Variants in MAST2 observed in about 807,000 individuals in gnomAD.
MAST2 encodes microtubule-associated serine/threonine-protein kinase 2.
A neutral mutation model predicts 147.4 loss-of-function variants in MAST2; 70 were observed. The ratio of observed to expected loss-of-function variants is 0.47; its 90% CI spans 0.39 to 0.58. The LOEUF (loss-of-function observed/expected upper bound fraction) is 0.58, where lower values mean the gene tolerates loss of function less well. Ranked by LOEUF, MAST2 falls within the 20% of genes least tolerant of loss-of-function variation. The probability of loss-of-function intolerance (pLI) is 0.00; values close to 1 mark genes in which losing one functional copy is unlikely to be tolerated. For missense variants in MAST2, 2,080 were observed against 2,302.3 expected (o/e 0.90, Z 1.98); for synonymous variants, 869 against 896.8 (o/e 0.97, Z 0.55).
chr1:45,963,265 A>G (rs1453053838), intron 5 of MAST2, among the ~76,000 whole-genome samples: 1 of 152,148 alleles, frequency 6.6e-6, no homozygotes, highest in Non-Finnish European at 1.5e-5. Flanking sequence ...TTGGTTCCAT[A>G]TGAACTTTAA....
chr1:45,996,858 T>C (rs762322903), intron 5 of MAST2, among the ~76,000 whole-genome samples: 2 of 152,186 alleles, frequency 1.3e-5, no homozygotes, highest in African/African-American at 2.4e-5. Context: ...AGCCAGCGCA[T>C]GTTGAAGTAC....
rs542948544 is a variant in MAST2 at position 46,031,599 on chromosome 1, G to T, written c.3187+14G>T. ...TCATTCCTTCGGGTGAGGCCCCTGG[G>T]GAGCTGGGATAAAACTCACAGGAAG... On this transcript the variant is annotated intron_variant, in intron 24 of 28. Coordinates refer to ENST00000361297, the MANE Select transcript of MAST2 (RefSeq NM_015112.3). This position sits in a 1 kb window ranked among gnomAD's most constrained non-coding sequence, Gnocchi z 4.1. The T allele has an allele frequency of 6.2e-7, 1 of 1,604,172 alleles. No individual in the cohort carries two copies. Among genetic ancestry groups the T allele is most frequent in the Non-Finnish European group, 8.5e-7 (1 of 1,172,554 alleles).
chr1:45,898,527 T>C (rs1285331209), intron 4 of MAST2, among the ~76,000 whole-genome samples: 1 of 152,092 alleles, frequency 6.6e-6, no homozygotes, highest in Non-Finnish European at 1.5e-5. Context: ...GTTGTTGTTG[T>C]TTTTGTTTTT....
chr1:45,847,740 G>T, intron 3 of MAST2: 1 of 247,564 alleles, frequency 4.0e-6, no homozygotes. Flanking sequence ...TTTTTTTTAA[G>T]ATGAGATTTT....
chr1:45,964,827 A>G (rs1557974256), intron 5 of MAST2, among the ~76,000 whole-genome samples: 2 of 151,992 alleles, frequency 1.3e-5, no homozygotes, highest in East Asian at 1.9e-4. Flanking sequence ...TCAACTTTAG[A>G]TCTTTCCTGC....
intron 5 of MAST2, among the ~76,000 whole-genome samples, chr1:45,966,637 G>A (rs1364382180): frequency 1.3e-5 from 2 of 152,082 alleles, no homozygotes; most frequent in African/African-American, 2.4e-5. Flanking sequence ...CAGGAGAATC[G>A]CTTGAACCAG....
intron 4 of MAST2, among the ~76,000 whole-genome samples, chr1:45,946,997 C>T (rs928574667): frequency 3.9e-5 from 6 of 152,088 alleles, no homozygotes; most frequent in African/African-American, 1.4e-4. Flanking sequence ...ACTTTTAGAT[C>T]ATTTGAGGAT....
intron 16 of MAST2, 99 bp from the exon 17 acceptor site, chr1:46,027,632 C>A: frequency 7.7e-7 from 1 of 1,306,020 alleles, no homozygotes; most frequent in Non-Finnish European, 1.1e-6. Flanking sequence ...CTCACAGTAC[C>A]CCCATGGAAG....
At position 46,030,319 on chromosome 1, in the gene MAST2, C is replaced by G; in HGVS notation, c.2553+81C>G. 4.3e-6 allele frequency: 6 copies of G among 1,402,634 alleles called. No homozygotes were observed. In the South Asian group the frequency reaches 7.4e-5, roughly 17 times the overall value. 86.9% of individuals were successfully genotyped at this position (1,402,634 alleles called of 1,614,324 possible). On this transcript the variant is annotated intron_variant, in intron 21 of 28. Coordinates refer to ENST00000361297, the MANE Select transcript of MAST2 (RefSeq NM_015112.3). ...GGCCTGTCAAAGGGCACACCTGGGG[C>G]AGGCTCAGGGAGTTGGGGTTGGGGC...
At position 45,999,077 on chromosome 1, in the gene MAST2, G is replaced by C. The variant is rs1454938922; in HGVS notation, c.668+1278G>C. 2.6e-5 allele frequency among the ~76,000 whole-genome samples: 4 copies of C among 152,086 alleles called. No homozygotes were observed. In the East Asian group the frequency reaches 7.7e-4, roughly 29 times the overall value. On this transcript the variant is annotated intron_variant, in intron 6 of 28. Transcript: ENST00000361297. The stretch of plus-strand genomic sequence containing the variant: ...AAAAGACATATTAGGAAAAAGAGAG[G>C]CTCCTGGAAATGGTGTTAACTCACT...
intron 3 of MAST2, among the ~76,000 whole-genome samples, chr1:45,854,363 A>T (rs2148013834): frequency 6.7e-6 from 1 of 150,188 alleles, no homozygotes; most frequent in African/African-American, 2.4e-5. Context: ...AATTGGACAT[A>T]TTTGTGTGGT....
chr1:45,838,215 CTTTTTTTT>C (rs61696475), intron 3 of MAST2, among the ~76,000 whole-genome samples: 9 of 97,982 alleles, frequency 9.2e-5, no homozygotes, highest in Admixed American at 3.5e-4. Context: ...TATATATATT[CTTTTTTTT>C]TTTTTTTTTT....
chr1:45,850,402 C>CTTTTGCTGTGCAGTAGAGTTA (rs1645587188), intron 3 of MAST2, among the ~76,000 whole-genome samples: 3 of 152,202 alleles, frequency 2.0e-5, no homozygotes, highest in African/African-American at 7.2e-5. Context: ...GCTGTTAACT[C>CTTTTGCTGTGCAGTAGAGTTA]TACTGATTGT....
chr1:45,987,777 A>ATTTTTTTTTTTT, intron 5 of MAST2, among the ~76,000 whole-genome samples: 48 of 21,806 alleles, frequency 2.2e-3, no homozygotes, highest in South Asian at 3.2e-3. Context: ...TTTTTTTTTG[A>ATTTTTTTTTTTT]TTTTTTTTTT....
rs139813236 is a variant in MAST2 at position 45,976,044 on chromosome 1, G to A, written c.592+16567G>A. Among the ~76,000 whole-genome samples the A allele has an allele frequency of 3.6e-3, 541 of 150,534 alleles. 6 individuals are homozygous for A. Among genetic ancestry groups the A allele is most frequent in the East Asian group, 0.034 (173 of 5,122 alleles). ...GGCTGGAGTGCAGTGGTGCAATTTCGGCTCACCGCAACCTCCACCTCCTGG... is the reference window on the plus strand; with the variant it reads ...GGCTGGAGTGCAGTGGTGCAATTTCAGCTCACCGCAACCTCCACCTCCTGG... On this transcript the variant is annotated intron_variant, in intron 5 of 28. Coordinates refer to ENST00000361297, the MANE Select transcript of MAST2 (RefSeq NM_015112.3).
intron 1 of MAST2, among the ~76,000 whole-genome samples, chr1:45,811,255 C>T (rs1570162065): frequency 6.6e-6 from 1 of 151,776 alleles, no homozygotes; most frequent in South Asian, 2.1e-4. Context: ...CAGCCTCCCC[C>T]TGTGGGGTTC....
intron 2 of MAST2, among the ~76,000 whole-genome samples, chr1:45,825,680 G>A (rs895846545): frequency 2.6e-5 from 4 of 151,862 alleles, no homozygotes; most frequent in African/African-American, 9.7e-5. Flanking sequence ...TGATCCGCCT[G>A]CCTTGGCCTC....
In MAST2 at chr1:45,920,377, C is replaced by T. The variant is rs573543794; in HGVS notation, c.500+37982C>T. Among the ~76,000 whole-genome samples, 5 of 152,218 alleles carry T rather than the reference C, an allele frequency of 3.3e-5. No homozygotes were observed. In the South Asian group the frequency reaches 1.0e-3, roughly 32 times the overall value. Reference sequence around the variant, plus strand: ...CTGTCTTCTCAACTCAGGGAGACTGCTGGACTCTGTTTGAGTACCCCCTTT... The same window carrying T: ...CTGTCTTCTCAACTCAGGGAGACTGTTGGACTCTGTTTGAGTACCCCCTTT... On this transcript the variant is annotated intron_variant, in intron 4 of 28. Transcript: ENST00000361297.
intron 5 of MAST2, among the ~76,000 whole-genome samples, chr1:45,972,854 G>T (rs934566056): frequency 2.6e-5 from 4 of 152,104 alleles, no homozygotes; most frequent in African/African-American, 9.7e-5. Flanking sequence ...TGTTCTAGTG[G>T]AATCATAGGG....
Sources: gnomAD v4.1 joint callset for allele counts (sites outside exome capture counted in the v4.1 genomes callset) on GRCh38, gnomAD v4.1.1 for gene constraint, Gnocchi (gnomAD v3.1) non-coding constraint, MANE v1.5 for transcripts, NCBI Gene and HGNC (gene_info 2026-07-23, HGNC 2026-07-21) for gene names.